USP44: variants seen among roughly 807,000 people sequenced by gnomAD.
USP44 encodes ubiquitin carboxyl-terminal hydrolase 44.
Under a neutral mutation model 69.0 loss-of-function variants are expected in USP44, and 61 were observed. The observed-to-expected ratio is 0.88, with a 90% CI of 0.72 to 1.09. The LOEUF is 1.09. USP44 is among the 50% of genes least tolerant of loss of function. The probability of loss-of-function intolerance (pLI) is 0.00; values close to 1 mark genes in which losing one functional copy is unlikely to be tolerated. For synonymous variants in USP44, 297 were observed against 295.4 expected (o/e 1.01, Z -0.06); for missense variants, 753 against 849.9 (o/e 0.89, Z 1.42).
chr12:95,531,670 A>G (rs1269101628), intron 2 of USP44, among the ~76,000 whole-genome samples: 2 of 152,252 alleles, frequency 1.3e-5, no homozygotes, highest in Non-Finnish European at 2.9e-5. Context: ...ATATTCCTTA[A>G]GAAGAATTAC....
At chr12:95,531,253 G>C (rs1452148947) in intron 2 of USP44, among the ~76,000 whole-genome samples, 1 of 151,936 alleles carries the variant, frequency 6.6e-6, no homozygotes, top group Admixed American at 6.6e-5. Context: ...TATGAACATT[G>C]AAATGTTTTG....
intron 1 of USP44, among the ~76,000 whole-genome samples, chr12:95,539,035 T>C (rs1413322847): frequency 6.6e-6 from 1 of 152,216 alleles, no homozygotes; most frequent in African/African-American, 2.4e-5. Flanking sequence ...TCTGACAAAA[T>C]ATTACCTGTA....
intron 4 of USP44, 53 bp from the exon 5 acceptor site, chr12:95,521,255 G>T: frequency 6.5e-7 from 1 of 1,546,790 alleles, no homozygotes. Flanking sequence ...AAATAACCAC[G>T]TACTAGGTCT....
rs561108215 is a variant in USP44, at chr12:95,543,981, A to G, written c.-71+7291T>C. On this transcript the variant is annotated intron_variant, in intron 1 of 5. Transcript: ENST00000258499. ...GACTGCATCTCAAAAAAAAAAAAAA[A>G]AAAAAAAAGAAAAAAACCCAAAACA... is the stretch of plus-strand genomic sequence containing the variant. Among the ~76,000 whole-genome samples, 35 of 147,286 alleles carry G rather than the reference A, an allele frequency of 2.4e-4. 1 individual carries two copies. The highest frequency in any genetic ancestry group is 2.2e-3 in the East Asian group (11 of 5,092).
At chr12:95,522,564 G>A (rs2076699577) in intron 4 of USP44, among the ~76,000 whole-genome samples, 1 of 151,948 alleles carries the variant, frequency 6.6e-6, no homozygotes, top group South Asian at 2.1e-4. Flanking sequence ...GATCACCTGA[G>A]GTCAGGAGTT....
chr12:95,534,368 A>C, intron 1 of USP44, 42 bp from the exon 2 acceptor site: 1 of 1,017,654 alleles, frequency 9.8e-7, no homozygotes, highest in Non-Finnish European at 1.4e-6. Flanking sequence ...AGATGCTAAT[A>C]TTTTTCATAT....
intron 5 of USP44, among the ~76,000 whole-genome samples, chr12:95,519,295 G>A (rs1238148103): frequency 6.6e-6 from 1 of 152,046 alleles, no homozygotes; most frequent in Non-Finnish European, 1.5e-5. Context: ...TGTGTACAAG[G>A]TGTATATGAA....
chr12:95,528,399 T>C (rs1431271541), intron 3 of USP44, among the ~76,000 whole-genome samples: 1 of 152,250 alleles, frequency 6.6e-6, no homozygotes, highest in East Asian at 1.9e-4. Context: ...TATTATTTCC[T>C]ATTTTATGTA....
intron 1 of USP44, among the ~76,000 whole-genome samples, chr12:95,544,865 T>G (rs546590942): frequency 3.9e-5 from 6 of 152,262 alleles, no homozygotes; most frequent in Admixed American, 3.9e-4. Context: ...ACATTTTATA[T>G]GTCTTAGTGT....
rs1019892350 is a variant in USP44, at chr12:95,548,857, A to C, written c.-71+2415T>G. On this transcript the variant is annotated intron_variant, in intron 1 of 5. Coordinates refer to ENST00000258499, the MANE Select transcript of USP44 (RefSeq NM_032147.5). This position sits in a 1 kb window ranked among gnomAD's most constrained non-coding sequence, Gnocchi z 4.1. ...GCCGCGACGACCCGGTGCGGCGGCT[A>C]CGACAGCCGTGACGCGCAGCAGGCC... 151 of 151,694 alleles carry C rather than the reference A, an allele frequency of 1.0e-3. No homozygotes were observed. The highest frequency in any genetic ancestry group is 3.5e-3 in the African/African-American group (144 of 41,396). 9.4% of individuals were successfully genotyped at this position (151,694 alleles called of 1,614,324 possible). A position where few individuals can be genotyped will look rare whatever the true frequency, so the allele number is the denominator to read the frequency against.
intron 3 of USP44, among the ~76,000 whole-genome samples, chr12:95,526,154 C>T (rs1012776396): frequency 6.6e-6 from 1 of 152,160 alleles, no homozygotes; most frequent in African/African-American, 2.4e-5. Context: ...TGCTATAAAA[C>T]CATATTCTGC....
At chr12:95,521,260 A>G in intron 4 of USP44, 58 bp from the exon 5 acceptor site, 1 of 1,506,862 alleles carries the variant, frequency 6.6e-7, no homozygotes, top group Non-Finnish European at 9.2e-7. Flanking sequence ...ACCACGTACT[A>G]GGTCTAGACA....
In USP44 at chr12:95,533,342, A is replaced by G; in HGVS notation, c.915T>C (p.Asp305=). ...CAGTCATAGCCAGCCATTGGTTCAG[A>G]TCAAGCTTTAAAAAACATTGTCGAA... ...LIFRQCFLKL[D]LNQWLAMTAS... Residue 305 remains aspartate, a synonymous_variant, in exon 2 of 6, where the codon GAT becomes GAC. Transcript: ENST00000258499. 6.2e-7 allele frequency: 1 copy of G among 1,613,874 alleles called. No individual in the cohort carries two copies. The highest frequency in any genetic ancestry group is 8.5e-7 in the Non-Finnish European group (1 of 1,179,936).
chr12:95,530,819 T>C lies in USP44; in HGVS notation c.1429-1817A>G, dbSNP rs147757234. On this transcript the variant is annotated intron_variant, in intron 2 of 5. Coordinates refer to ENST00000258499, the MANE Select transcript of USP44 (RefSeq NM_032147.5). ...AAATTAATTGATGACATTATAATAATGAAAAAAATTAAAAACAGTCAACAA... is the reference window on the plus strand; with the variant it reads ...AAATTAATTGATGACATTATAATAACGAAAAAAATTAAAAACAGTCAACAA... 1.4e-4 allele frequency among the ~76,000 whole-genome samples: 22 copies of C among 152,152 alleles called. No homozygotes were observed. In the East Asian group the frequency reaches 4.3e-3, roughly 29 times the overall value.
At position 95,532,926 on chromosome 12, in the gene USP44, G is replaced by GT; in HGVS notation, c.1330dup (p.Thr444AsnfsTer24). 6.2e-7 allele frequency: 1 copy of GT among 1,614,140 alleles called. No homozygotes were observed. Among genetic ancestry groups the GT allele is most frequent in the Non-Finnish European group, 8.5e-7 (1 of 1,180,024 alleles). ...AGTGGGGATAAGAGCTGGTAAACTG[G>GT]TACCAGTTGTCTCTAATTCACGTTG... On this transcript the variant is annotated frameshift_variant, in exon 2 of 6. Transcript: ENST00000258499. LOFTEE classifies it high-confidence loss of function.
chr12:95,536,301 C>T (rs551894714), intron 1 of USP44, among the ~76,000 whole-genome samples: 1 of 152,148 alleles, frequency 6.6e-6, no homozygotes, highest in East Asian at 1.9e-4. Context: ...CCTAACCCTC[C>T]CAAAGTGCTA....
chr12:95,534,450 G>T, intron 1 of USP44, 124 bp from the exon 2 acceptor site: 1 of 535,350 alleles, frequency 1.9e-6, no homozygotes, highest in Non-Finnish European at 3.2e-6. Context: ...AATACCATTG[G>T]CAGTTCTCCC....
At chr12:95,518,990 C>A (rs2076562970) in intron 5 of USP44, among the ~76,000 whole-genome samples, 1 of 151,898 alleles carries the variant, frequency 6.6e-6, no homozygotes, top group Non-Finnish European at 1.5e-5. Flanking sequence ...TCATAAGTAA[C>A]CCTGAACACA....
At chr12:95,537,175 CA>C (rs2077233289) in intron 1 of USP44, among the ~76,000 whole-genome samples, 1 of 152,120 alleles carries the variant, frequency 6.6e-6, no homozygotes, top group Non-Finnish European at 1.5e-5. Context: ...TAGTGCTTAA[CA>C]AACATTAGTT....
Sources: gnomAD v4.1 joint callset for allele counts (sites outside exome capture counted in the v4.1 genomes callset) on GRCh38, gnomAD v4.1.1 for gene constraint, Gnocchi (gnomAD v3.1) non-coding constraint, MANE v1.5 for transcripts, NCBI Gene and HGNC (gene_info 2026-07-23, HGNC 2026-07-21) for gene names.